Variants in NEB observed in about 807,000 individuals in gnomAD.
NEB encodes the protein nebulin.
In NEB, 512 loss-of-function variants were observed where a neutral mutation model predicts 952.2. The ratio of observed to expected loss-of-function variants is 0.54; its 90% CI spans 0.50 to 0.58. The LOEUF (loss-of-function observed/expected upper bound fraction) is 0.58, where lower values mean the gene tolerates loss of function less well. Among genes scored for constraint, NEB ranks in the 20% least tolerant of loss-of-function variants. The pLI is 0.00. For missense variants in NEB, 8,428 were observed against 9,231.1 expected (o/e 0.91, Z 3.56); for synonymous variants, 2,900 against 3,149.8 (o/e 0.92, Z 2.66).
At chr2:151,697,324 A>C (rs754262594) in intron 15 of NEB, 26 bp downstream of exon 15, 1 of 1,611,028 alleles carries the variant, frequency 6.2e-7, no homozygotes, top group Non-Finnish European at 8.5e-7. Context: ...TTATTTGGAA[A>C]GTCAAACAAT....
chr2:151,679,791 T>C lies in NEB; in HGVS notation c.3185A>G (p.Lys1062Arg). The change falls in exon 32 of 182, where the codon AAG (lysine) becomes AGG (arginine). Residue 1062 changes from lysine to arginine, a missense_variant. By Grantham distance (26) the Lys-to-Arg change is conservative (BLOSUM62 2). Transcript: ENST00000397345. ...YKADLKDLSK[K>R]GYDLRTDAIP... is the part of the protein sequence containing the mutation. Reference sequence around the variant, plus strand: ...CGCATCAGTTCTCAGGTCATATCCCTTCTTGCTCAAGTCTTTCAAGTCTGC... The same window carrying C: ...CGCATCAGTTCTCAGGTCATATCCCCTCTTGCTCAAGTCTTTCAAGTCTGC... 6.2e-7 allele frequency: 1 copy of C among 1,613,816 alleles called. No homozygotes were observed. Among genetic ancestry groups the C allele is most frequent in the Non-Finnish European group, 8.5e-7 (1 of 1,179,834 alleles).
In NEB at chr2:151,485,422, A is replaced by G; in HGVS notation, c.*338T>C. 5.3e-6 allele frequency: 1 copy of G among 187,454 alleles called. No homozygotes were observed. The highest frequency in any genetic ancestry group is 1.1e-5 in the Non-Finnish European group (1 of 91,256). The allele number at this position is 187,454 out of a possible 1,614,324, so 11.6% of individuals were successfully genotyped here. A position where few individuals can be genotyped will look rare whatever the true frequency, so the allele number is the denominator to read the frequency against. On this transcript the variant is annotated 3_prime_UTR_variant, in exon 182 of 182. Coordinates refer to ENST00000397345, the MANE Select transcript of NEB (RefSeq NM_001164508.2). Reference sequence around the variant, plus strand: ...CAGAACTGAATTAGAAATAATAAGCATTAGCAATCAGCAAGGAAAAGGTGA... The same window carrying G: ...CAGAACTGAATTAGAAATAATAAGCGTTAGCAATCAGCAAGGAAAAGGTGA...
chr2:151,525,239 C>A lies in NEB; in HGVS notation c.22196G>T (p.Gly7399Val). Residue 7399 changes from glycine to valine, a missense_variant, in exon 151 of 182, where the codon GGA becomes GTA. By Grantham distance (109) the Gly-to-Val change is moderately radical (BLOSUM62 -3). Around this residue, in one of 11 missense-constraint regions of NEB, gnomAD observed 3,374 missense variants for 3,651.5 expected, o/e 0.92. Coordinates refer to ENST00000397345, the MANE Select transcript of NEB (RefSeq NM_001164508.2). Reference protein sequence around the residue: ...NYKKKFVKEKGKSNYSIMLEP... With the variant: ...NYKKKFVKEKVKSNYSIMLEP... Reference sequence around the variant, plus strand: ...CAGCATGATGGAGTAGTTGGATTTTCCTTTCTCCTTGACAAACTTCTTTTT... The same window carrying A: ...CAGCATGATGGAGTAGTTGGATTTTACTTTCTCCTTGACAAACTTCTTTTT... 3 of 1,613,834 alleles carry A rather than the reference C, an allele frequency of 1.9e-6. No homozygotes were observed. Among genetic ancestry groups the A allele is most frequent in the Non-Finnish European group, 2.5e-6 (3 of 1,179,754 alleles).
rs1312321861 is a variant in NEB at position 151,614,553 on chromosome 2, C to T, written c.11324G>A (p.Gly3775Asp). ...KYKEGYRKQL[G>D]HHIGARNIKD... ...AATGTTCCGGGCCCCAATATGGTGG[C>T]CAAGCTGTTTGCGGTAGCCTTCCTT... The change falls in exon 77 of 182, where the codon GGC becomes GAC. Residue 3775 changes from glycine to aspartate, a missense_variant. Physicochemically the swap from Gly to Asp is moderately conservative, Grantham distance 94. Coordinates refer to ENST00000397345, the MANE Select transcript of NEB (RefSeq NM_001164508.2). 2 of 1,613,704 alleles carry T rather than the reference C, an allele frequency of 1.2e-6. No homozygotes were observed. Among genetic ancestry groups the T allele is most frequent in the African/African-American group, 1.3e-5 (1 of 74,998 alleles).
chr2:151,622,285 G>A (rs1033067010), intron 71 of NEB, among the ~76,000 whole-genome samples: 2 of 152,158 alleles, frequency 1.3e-5, no homozygotes, highest in African/African-American at 4.8e-5. Flanking sequence ...ACTGCACCCA[G>A]CCATGTTTGG....
rs2069406773 is a variant in NEB, at chr2:151,506,825, T to TATCA, written c.23556+80_23556+83dup. ...GAGGAGGTTAGATGTTAATTGTGTGTATCAATATAAGGCTAGTATATTTTT... is the reference window on the plus strand; with the variant it reads ...GAGGAGGTTAGATGTTAATTGTGTGTATCAATCAATATAAGGCTAGTATATTTTT... On this transcript the variant is annotated intron_variant, in intron 163 of 181. Coordinates refer to ENST00000397345, the MANE Select transcript of NEB (RefSeq NM_001164508.2). 3.4e-6 allele frequency: 3 copies of TATCA among 880,730 alleles called. No individual in the cohort carries two copies. In the East Asian group the frequency reaches 7.4e-5, roughly 22 times the overall value. The allele number at this position is 880,730 out of a possible 1,614,324, so 54.6% of individuals were successfully genotyped here. A position where few individuals can be genotyped will look rare whatever the true frequency, so the allele number is the denominator to read the frequency against.
chr2:151,702,062 T>G (rs1417402847), intron 13 of NEB, among the ~76,000 whole-genome samples: 3 of 148,916 alleles, frequency 2.0e-5, no homozygotes, highest in Admixed American at 6.7e-5. Flanking sequence ...TCTGGTATGT[T>G]GTGTCTTTGT....
intron 12 of NEB, among the ~76,000 whole-genome samples, chr2:151,708,229 C>T (rs183797539): frequency 6.6e-6 from 1 of 152,322 alleles, no homozygotes; most frequent in African/African-American, 2.4e-5. Flanking sequence ...AAAAGTCCCT[C>T]TTTACCCAGT....
At chr2:151,708,690 C>T (rs1184307730) in intron 12 of NEB, among the ~76,000 whole-genome samples, 1 of 152,196 alleles carries the variant, frequency 6.6e-6, no homozygotes, top group Non-Finnish European at 1.5e-5. Flanking sequence ...AGTCGACTGA[C>T]CTCTGACACT....
chr2:151,708,798 C>T (rs756245968), intron 12 of NEB, among the ~76,000 whole-genome samples: 2 of 152,316 alleles, frequency 1.3e-5, no homozygotes, highest in South Asian at 4.1e-4. Flanking sequence ...CCATAGTCTT[C>T]CCTGTCTCAA....
intron 167 of NEB, among the ~76,000 whole-genome samples, chr2:151,502,136 G>A (rs2065102451): frequency 6.6e-6 from 1 of 152,134 alleles, no homozygotes; most frequent in Non-Finnish European, 1.5e-5. Context: ...ACCAAACATT[G>A]TATGTTCTCA....
In NEB at chr2:151,723,749, T is replaced by TG. The variant is rs1491323307; in HGVS notation, c.613-264dup. Among the ~76,000 whole-genome samples, 140 of 121,278 alleles carry TG rather than the reference T, an allele frequency of 1.2e-3. 2 individuals carry two copies. The highest frequency in any genetic ancestry group is 3.9e-3 in the African/African-American group (101 of 26,184). The allele number at this position is 121,278 out of a possible 152,430, so 79.6% of individuals were successfully genotyped here. A position where few individuals can be genotyped will look rare whatever the true frequency, so the allele number is the denominator to read the frequency against. ...TCTCTGTGACTCTACCTGCCTTCTTTGTTTTTTTTTTTTTTTTTTTTTTTT... is the reference window on the plus strand; with the variant it reads ...TCTCTGTGACTCTACCTGCCTTCTTTGGTTTTTTTTTTTTTTTTTTTTTTTT... On this transcript the variant is annotated intron_variant, in intron 8 of 181. Transcript: ENST00000397345.
At chr2:151,566,237 G>A (rs1005305034) in intron 114 of NEB, among the ~76,000 whole-genome samples, 1 of 152,158 alleles carries the variant, frequency 6.6e-6, no homozygotes, top group Non-Finnish European at 1.5e-5. Context: ...CTAAATGAGG[G>A]AAACTACACA....
chr2:151,701,739 A>G (rs1352109104), intron 13 of NEB, among the ~76,000 whole-genome samples: 3 of 150,284 alleles, frequency 2.0e-5, no homozygotes, highest in Admixed American at 6.6e-5. Flanking sequence ...TATTGTGTCT[A>G]TTTGATTCTT....
At chr2:151,644,391 A>G in intron 56 of NEB, 77 bp downstream of exon 56, 2 of 1,383,800 alleles carry the variant, frequency 1.4e-6, no homozygotes, top group African/African-American at 1.4e-5. Flanking sequence ...GATTTTGTTC[A>G]ATTTAAAATT....
chr2:151,724,994 C>G lies in NEB; in HGVS notation c.403-33G>C, dbSNP rs375105168. The G allele has an allele frequency of 3.4e-5, 51 of 1,510,224 alleles. 1 individual carries two copies. Among genetic ancestry groups the G allele is most frequent in the South Asian group, 1.1e-5 (1 of 88,668 alleles). 93.6% of individuals were successfully genotyped at this position (1,510,224 alleles called of 1,614,324 possible). On this transcript the variant is annotated intron_variant, in intron 6 of 181. Transcript: ENST00000397345. ...AATAATGCACAGTTAGAGTTCATGA[C>G]AGGCATGTACATGTGAGTATATTAA...
At chr2:151,729,832 C>T (rs2099801479) in intron 3 of NEB, among the ~76,000 whole-genome samples, 176 bp from the exon 4 acceptor site, 1 of 152,188 alleles carries the variant, frequency 6.6e-6, no homozygotes. Flanking sequence ...CTTTGTAATA[C>T]TTCAGGAAAG....
Position 151,619,598 on chromosome 2 carries a change from T to C in NEB, c.10725A>G (p.Pro3575=). Residue 3575 remains proline, a synonymous_variant, in exon 73 of 182, where the codon CCA becomes CCG. Transcript: ENST00000397345. ...FEKYKTRYSS[P]VDMLGIVLAK... is the part of the protein sequence containing the mutation. ...CCAAAACGATACCAAGCATGTCCACTGGGCTGCTGTACCTTGTCTTGTATT... is the reference window on the plus strand; with the variant it reads ...CCAAAACGATACCAAGCATGTCCACCGGGCTGCTGTACCTTGTCTTGTATT... The C allele has an allele frequency of 1.2e-6, 2 of 1,613,990 alleles. No homozygotes were observed. Among genetic ancestry groups the C allele is most frequent in the Non-Finnish European group, 1.7e-6 (2 of 1,179,872 alleles).
At position 151,640,684 on chromosome 2, in the gene NEB, C is replaced by A. The variant is rs1553967593; in HGVS notation, c.8374-18G>T. ...TACTTGAACTAAAAGAAGAAAAAGA[C>A]AGATAGTCATCTGTTTTAACTTTTA... On this transcript the variant is annotated intron_variant, in intron 60 of 181. Coordinates refer to ENST00000397345, the MANE Select transcript of NEB (RefSeq NM_001164508.2). The A allele has an allele frequency of 1.9e-6, 3 of 1,599,680 alleles. No individual in the cohort carries two copies. Among genetic ancestry groups the A allele is most frequent in the Non-Finnish European group, 2.6e-6 (3 of 1,170,224 alleles).
Sources: allele counts gnomAD v4.1 joint callset (sites outside exome capture counted in the v4.1 genomes callset), GRCh38; gene constraint gnomAD v4.1.1; regional missense constraint gnomAD v4.1.1; transcripts MANE v1.5; gene names NCBI Gene and HGNC (gene_info 2026-07-23, HGNC 2026-07-21).